ARFGEF3: variants seen among roughly 807,000 people sequenced by gnomAD.
The protein encoded by ARFGEF3 is ARFGEF family member 3.
ARFGEF3 carries 96 observed loss-of-function variants against 221.7 expected under a neutral mutation model. The observed-to-expected ratio is 0.43, with a 90% CI of 0.37 to 0.51. ARFGEF3 has a LOEUF of 0.51. ARFGEF3 is among the 20% of genes least tolerant of loss of function. The pLI is 0.00. For synonymous variants in ARFGEF3, 1,145 were observed against 1,126.8 expected, an observed-to-expected ratio of 1.02 and a Z score of -0.32; for missense variants, 2,410 against 2,789.9, an observed-to-expected ratio of 0.86 and a Z score of 3.07.
intron 2 of ARFGEF3, among the ~76,000 whole-genome samples, chr6:138,191,663 G>A (rs978865403): frequency 2.6e-5 from 4 of 152,126 alleles, no homozygotes; most frequent in African/African-American, 9.7e-5. Context: ...CGTCCAATTT[G>A]TTATGTATTA....
chr6:138,240,671 C>G (rs1414903196), intron 6 of ARFGEF3, among the ~76,000 whole-genome samples: 1 of 152,160 alleles, frequency 6.6e-6, no homozygotes, highest in African/African-American at 2.4e-5. Context: ...TATTTCCTTT[C>G]TATTACTCAT....
Position 138,291,803 on chromosome 6 carries a change from A to G in ARFGEF3, c.3118A>G (p.Ile1040Val). The G allele has an allele frequency of 6.8e-7, 1 of 1,480,794 alleles. No individual in the cohort carries two copies. Among genetic ancestry groups the G allele is most frequent in the African/African-American group, 1.5e-5 (1 of 68,742 alleles). 91.7% of individuals were successfully genotyped at this position (1,480,794 alleles called of 1,614,324 possible). A position where few individuals can be genotyped will look rare whatever the true frequency, so the allele number is the denominator to read the frequency against. ...SDGASQPPLT[I>V]SQPQKATGSA... The stretch of plus-strand genomic sequence containing the variant: ...TGGTGCCTCGCAGCCCCCTCTGACC[A>G]TCAGCCAGCCCCAGAAGGCCACTGG... Residue 1040 changes from isoleucine (I) to valine (V), a missense_variant, in exon 19 of 34, where the codon ATC becomes GTC. Around this residue, in one of 5 missense-constraint regions of ARFGEF3, gnomAD observed 184 missense variants for 141.8 expected, o/e 1.30. Transcript: ENST00000251691. The surrounding 1 kb of genome is among the most constrained non-coding windows in gnomAD (Gnocchi z 4.5).
At chr6:138,309,820 CT>C (rs1450328728) in intron 24 of ARFGEF3, among the ~76,000 whole-genome samples, 1 of 152,172 alleles carries the variant, frequency 6.6e-6, no homozygotes, top group Non-Finnish European at 1.5e-5. Flanking sequence ...GAGAATTCTC[CT>C]TTTCTCTGCC....
chr6:138,177,366 G>A (rs1208352898), intron 2 of ARFGEF3, among the ~76,000 whole-genome samples: 2 of 152,178 alleles, frequency 1.3e-5, no homozygotes, highest in East Asian at 3.9e-4. Context: ...TGATTCACCT[G>A]CCTCAGCTTC....
chr6:138,319,931 A>C, intron 28 of ARFGEF3, 52 bp downstream of exon 28: 1 of 1,506,494 alleles, frequency 6.6e-7, no homozygotes, highest in South Asian at 1.2e-5. Context: ...GGTAGACAGC[A>C]CCGTCAGCTA....
At chr6:138,319,976 T>C in intron 28 of ARFGEF3, 97 bp downstream of exon 28, 1 of 969,244 alleles carries the variant, frequency 1.0e-6, no homozygotes, top group Non-Finnish European at 1.6e-6. Flanking sequence ...CAAATACGAA[T>C]GCAGGGTTTT....
intron 8 of ARFGEF3, among the ~76,000 whole-genome samples, chr6:138,249,772 A>T (rs865925883): frequency 6.6e-6 from 1 of 152,158 alleles, no homozygotes. Flanking sequence ...TTCCAGTACA[A>T]TTCCCCTGGT....
chr6:138,289,865 G>A lies in ARFGEF3; in HGVS notation c.2944G>A (p.Gly982Arg). Residue 982 changes from glycine to arginine, a missense_variant, in exon 18 of 34, where the codon GGG becomes AGG. By Grantham distance (125) the Gly-to-Arg change is moderately radical. Coordinates refer to ENST00000251691, the MANE Select transcript of ARFGEF3 (RefSeq NM_020340.5). ...ACTGGAGCAGATTGGGAAGGTGCAG[G>A]GGGTGTGGCTGCACACTGCCCACGT... The part of the protein sequence containing the change: ...QKLEQIGKVQ[G>R]VWLHTAHVLC... 2 of 1,613,944 alleles carry A rather than the reference G, an allele frequency of 1.2e-6. No individual in the cohort carries two copies. The highest frequency in any genetic ancestry group is 1.7e-6 in the Non-Finnish European group (2 of 1,179,816).
chr6:138,319,270 T>TGTTAA (rs1779980446), intron 27 of ARFGEF3, among the ~76,000 whole-genome samples: 1 of 146,322 alleles, frequency 6.8e-6, no homozygotes, highest in African/African-American at 2.6e-5. Context: ...CAAACACTAT[T>TGTTAA]GTTAAGTTAA....
chr6:138,183,609 C>T (rs571356798), intron 2 of ARFGEF3, among the ~76,000 whole-genome samples: 5 of 152,040 alleles, frequency 3.3e-5, no homozygotes, highest in Non-Finnish European at 2.9e-5. Flanking sequence ...CAGAGCCAAA[C>T]ACACAGCATG....
chr6:138,324,818 A>G (rs1780100054), intron 31 of ARFGEF3, among the ~76,000 whole-genome samples: 1 of 152,254 alleles, frequency 6.6e-6, no homozygotes. Flanking sequence ...ATATCAGAAG[A>G]ATATAGTAGT....
At chr6:138,273,465 T>G (rs1402072958) in intron 12 of ARFGEF3, among the ~76,000 whole-genome samples, 1 of 151,584 alleles carries the variant, frequency 6.6e-6, no homozygotes, top group Non-Finnish European at 1.5e-5. Context: ...ATGCAAAGAG[T>G]CAGAATATGT....
At chr6:138,264,753 G>A (rs1041692031) in intron 12 of ARFGEF3, among the ~76,000 whole-genome samples, 4 of 152,046 alleles carry the variant, frequency 2.6e-5, no homozygotes, top group South Asian at 2.1e-4. Context: ...TGAAAAAATT[G>A]TAGCCCAGTT....
chr6:138,250,057 T>TA (rs1288687818), intron 8 of ARFGEF3, among the ~76,000 whole-genome samples: 2 of 152,222 alleles, frequency 1.3e-5, no homozygotes, highest in Non-Finnish European at 2.9e-5. Flanking sequence ...TTCTATTAGC[T>TA]AAACTGGATG....
At position 138,245,433 on chromosome 6, in the gene ARFGEF3, G is replaced by A. The variant is rs539855990; in HGVS notation, c.587-80G>A. The A allele has an allele frequency of 1.4e-3, 1,284 of 942,284 alleles. 14 individuals carry two copies. In the South Asian group the frequency reaches 0.017, roughly 13 times the overall value. The allele number at this position is 942,284 out of a possible 1,614,324, so 58.4% of individuals were successfully genotyped here. ...TTCAGTCTCAAAAACCATCTAAAGT[G>A]GAGGATGGGAAGGATGGTTCAGGGA... On this transcript the variant is annotated intron_variant, in intron 7 of 33. Coordinates refer to ENST00000251691, the MANE Select transcript of ARFGEF3 (RefSeq NM_020340.5).
At chr6:138,187,829 C>T (rs1777215638) in intron 2 of ARFGEF3, among the ~76,000 whole-genome samples, 1 of 152,104 alleles carries the variant, frequency 6.6e-6, no homozygotes, top group East Asian at 1.9e-4. Flanking sequence ...TCAAGTCACC[C>T]TACTAAAAAG....
chr6:138,199,155 A>G (rs1277250872), intron 2 of ARFGEF3, among the ~76,000 whole-genome samples: 2 of 152,212 alleles, frequency 1.3e-5, no homozygotes, highest in African/African-American at 2.4e-5. Context: ...ACCTTGTACA[A>G]GTAACCTAAT....
At chr6:138,264,962 G>A (rs1181344372) in intron 12 of ARFGEF3, among the ~76,000 whole-genome samples, 1 of 149,278 alleles carries the variant, frequency 6.7e-6, no homozygotes, top group Admixed American at 6.7e-5. Context: ...GGAGTCCAGT[G>A]GTGCAATCTC....
At chr6:138,289,331 A>T (rs958704950) in intron 17 of ARFGEF3, among the ~76,000 whole-genome samples, 3 of 152,248 alleles carry the variant, frequency 2.0e-5, no homozygotes, top group African/African-American at 7.2e-5. Context: ...TTTCAGTGAT[A>T]GAGCAGTCAT....
Sources: gnomAD v4.1 joint callset for allele counts (sites outside exome capture counted in the v4.1 genomes callset) on GRCh38, gnomAD v4.1.1 for gene constraint, gnomAD v4.1.1 regional missense constraint, Gnocchi (gnomAD v3.1) non-coding constraint, MANE v1.5 for transcripts, NCBI Gene and HGNC (gene_info 2026-07-23, HGNC 2026-07-21) for gene names.